Variants in CTNNAL1 observed in about 807,000 individuals in gnomAD.
CTNNAL1 encodes catenin alpha like 1.
CTNNAL1 carries 69 observed loss-of-function variants against 93.6 expected under a neutral mutation model. That is an observed-to-expected ratio of 0.74 (90% CI 0.61 to 0.90). The LOEUF is 0.90. CTNNAL1 is among the 40% of genes least tolerant of loss of function. The probability of loss-of-function intolerance (pLI) is 0.00; values close to 1 mark genes in which losing one functional copy is unlikely to be tolerated. For synonymous variants in CTNNAL1, 286 were observed against 305.4 expected (o/e 0.94, Z 0.66); for missense variants, 836 against 862.0 (o/e 0.97, Z 0.38).
chr9:108,972,787 T>C lies in CTNNAL1; in HGVS notation c.1235A>G (p.His412Arg), dbSNP rs752043545. 5.6e-6 allele frequency: 9 copies of C among 1,610,296 alleles called. No individual in the cohort carries two copies. Among genetic ancestry groups the C allele is most frequent in the Non-Finnish European group, 6.8e-6 (8 of 1,179,694 alleles). ...TGCTTTTAGAACCACATGATCAGCA[T>C]GGTATTTTAATAGATCTGCTGCCAG... ...TQLAADLLKY[H>R]ADHVVLKALK... is the part of the protein sequence containing the mutation. The change falls in exon 9 of 19, where the codon CAT (histidine) becomes CGT (arginine). Residue 412 changes from histidine (H) to arginine (R), a missense_variant. By Grantham distance (29) the His-to-Arg change is conservative (BLOSUM62 0). Transcript: ENST00000325551.
rs549753052 is a variant in CTNNAL1 at position 109,008,190 on chromosome 9, A to T, written c.141+5112T>A. Among the ~76,000 whole-genome samples, 29 of 119,176 alleles carry T rather than the reference A, an allele frequency of 2.4e-4. No individual in the cohort carries two copies. The East Asian group carries it at 6.5e-3, about 27-fold the overall frequency. 78.2% of individuals were successfully genotyped at this position (119,176 alleles called of 152,430 possible). ...TTTTTTTTTTTTGAGACAGAGTCTC[A>T]CTCTGTTACCAGGCTGGAGTGCAGT... On this transcript the variant is annotated intron_variant, in intron 1 of 18. Transcript: ENST00000325551.
chr9:108,986,713 T>C (rs1456640099), intron 4 of CTNNAL1, among the ~76,000 whole-genome samples: 18 of 151,966 alleles, frequency 1.2e-4, no homozygotes, highest in African/African-American at 3.1e-4. Flanking sequence ...TTTTAATGAT[T>C]GCCATTCTAA....
chr9:108,969,631 G>C (rs1047640045), intron 10 of CTNNAL1, among the ~76,000 whole-genome samples: 2 of 151,906 alleles, frequency 1.3e-5, no homozygotes, highest in Non-Finnish European at 2.9e-5. Context: ...CCTAATTTAA[G>C]ATAGTTATTT....
At chr9:108,972,865 A>ACCG in intron 8 of CTNNAL1, 32 bp from the exon 9 acceptor site, 111 of 219,198 alleles carry the variant, frequency 5.1e-4, no homozygotes, top group Non-Finnish European at 6.2e-4. Flanking sequence ...GGGGGGTGGG[A>ACCG]GGGTGGAGAA....
intron 6 of CTNNAL1, among the ~76,000 whole-genome samples, chr9:108,980,500 G>C (rs183794782): frequency 3.3e-5 from 5 of 152,272 alleles, no homozygotes; most frequent in Admixed American, 3.3e-4. Context: ...TAATCCTTAT[G>C]TGTGACCCAT....
At chr9:109,002,695 T>A (rs1449458612) in intron 1 of CTNNAL1, among the ~76,000 whole-genome samples, 1 of 152,072 alleles carries the variant, frequency 6.6e-6, no homozygotes, top group Admixed American at 6.6e-5. Context: ...AAAAATTCCT[T>A]CTCCATGCCG....
At chr9:108,968,511 C>G (rs1831020572) in intron 10 of CTNNAL1, among the ~76,000 whole-genome samples, 1 of 152,224 alleles carries the variant, frequency 6.6e-6, no homozygotes, top group South Asian at 2.1e-4. Context: ...GCAGGAGAGT[C>G]AAGCCCTCCA....
intron 15 of CTNNAL1, among the ~76,000 whole-genome samples, chr9:108,946,244 A>G (rs1053083745): frequency 6.6e-5 from 10 of 150,712 alleles, no homozygotes; most frequent in Admixed American, 6.7e-5. Flanking sequence ...GGCTGTAGTG[A>G]GCCGAGATCG....
At chr9:108,972,864 G>GC in intron 8 of CTNNAL1, 31 bp from the exon 9 acceptor site, 1 of 142,590 alleles carries the variant, frequency 7.0e-6, no homozygotes, top group Non-Finnish European at 1.0e-5. Flanking sequence ...GGGGGGGTGG[G>GC]AGGGTGGAGA....
chr9:109,002,968 G>C (rs956553718), intron 1 of CTNNAL1, among the ~76,000 whole-genome samples: 1 of 151,872 alleles, frequency 6.6e-6, no homozygotes, highest in African/African-American at 2.4e-5. Context: ...ACTCCAGCCT[G>C]GGCAACAAGA....
chr9:108,998,671 G>T (rs1832112623), intron 2 of CTNNAL1, among the ~76,000 whole-genome samples: 1 of 152,176 alleles, frequency 6.6e-6, no homozygotes, highest in Non-Finnish European at 1.5e-5. Context: ...AGAGAACTGT[G>T]AACCATCATG....
chr9:108,946,995 GA>G (rs1418820926), intron 15 of CTNNAL1, among the ~76,000 whole-genome samples: 62 of 152,078 alleles, frequency 4.1e-4, no homozygotes, highest in Middle Eastern at 3.4e-3. Flanking sequence ...GAAAAATCCA[GA>G]AGACACATTT....
intron 1 of CTNNAL1, among the ~76,000 whole-genome samples, chr9:109,006,597 C>T (rs962038501): frequency 2.0e-5 from 3 of 152,144 alleles, no homozygotes; most frequent in African/African-American, 7.2e-5. Context: ...AATTGAGAGT[C>T]ATAACTTGGA....
At chr9:108,979,176 G>A (rs193178168) in intron 7 of CTNNAL1, 105 bp downstream of exon 7, 2 of 1,408,462 alleles carry the variant, frequency 1.4e-6, no homozygotes, top group Non-Finnish European at 1.9e-6. Flanking sequence ...GTCCCATTCT[G>A]GAACAAATTC....
intron 2 of CTNNAL1, 119 bp downstream of exon 2, chr9:108,998,948 T>C: frequency 8.1e-7 from 1 of 1,233,582 alleles, no homozygotes; most frequent in Non-Finnish European, 1.1e-6. Flanking sequence ...GCCTTTAATG[T>C]CTGAGGCAGA....
chr9:108,942,706 T>C lies in CTNNAL1; in HGVS notation c.*63A>G. Reference sequence around the variant, plus strand: ...GAATTTCTGAAAAGATAAAGGATCATTTGATTTTTAAAAATGTCAGCTTCA... The same window carrying C: ...GAATTTCTGAAAAGATAAAGGATCACTTGATTTTTAAAAATGTCAGCTTCA... On this transcript the variant is annotated 3_prime_UTR_variant, in exon 19 of 19. Transcript: ENST00000325551. 4.6e-6 allele frequency: 5 copies of C among 1,081,888 alleles called. No homozygotes were observed. The highest frequency in any genetic ancestry group is 2.7e-5 in the South Asian group (2 of 73,618). The allele number at this position is 1,081,888 out of a possible 1,614,324, so 67.0% of individuals were successfully genotyped here.
At chr9:108,961,964 G>A (rs1830830565) in intron 11 of CTNNAL1, among the ~76,000 whole-genome samples, 1 of 152,182 alleles carries the variant, frequency 6.6e-6, no homozygotes, top group African/African-American at 2.4e-5. Context: ...CTGCAGTTGT[G>A]AGCATTTTTC....
chr9:108,952,089 A>T, intron 14 of CTNNAL1, 120 bp downstream of exon 14: 1 of 756,316 alleles, frequency 1.3e-6, no homozygotes, highest in Non-Finnish European at 2.0e-6. Flanking sequence ...AACTACTTTT[A>T]GTCTTTTTAC....
At chr9:108,950,703 T>C in intron 14 of CTNNAL1, 1 of 1,407,594 alleles carries the variant, frequency 7.1e-7, no homozygotes, top group African/African-American at 1.5e-5. Flanking sequence ...TTTTCAGTCT[T>C]TCTGGTGACT....
Sources: gnomAD v4.1 joint callset for allele counts (sites outside exome capture counted in the v4.1 genomes callset) on GRCh38, gnomAD v4.1.1 for gene constraint, MANE v1.5 for transcripts, NCBI Gene and HGNC (gene_info 2026-07-23, HGNC 2026-07-21) for gene names.